PHF21A: variants seen among roughly 807,000 people sequenced by gnomAD.
PHF21A encodes the protein PHD finger protein 21A, also known as BHC80a.
In PHF21A, 11 loss-of-function variants were observed where a neutral mutation model predicts 82.5. The ratio of observed to expected loss-of-function variants is 0.13; its 90% confidence interval spans 0.08 to 0.22. The LOEUF (loss-of-function observed/expected upper bound fraction) is 0.22. PHF21A is among the 10% of genes least tolerant of loss of function. PHF21A has a pLI of 1.00. For missense variants in PHF21A, 579 were observed against 837.8 expected (o/e 0.69, Z 3.81); for synonymous variants, 297 against 302.8 (o/e 0.98, Z 0.20).
chr11:45,980,789 C>A (rs777239065), intron 6 of PHF21A, among the ~76,000 whole-genome samples: 1 of 152,140 alleles, frequency 6.6e-6, no homozygotes, highest in Non-Finnish European at 1.5e-5. Context: ...AACAAAGAAA[C>A]CTTGATCCCA....
At chr11:46,068,620 C>A (rs1244599886) in intron 6 of PHF21A, among the ~76,000 whole-genome samples, 1 of 151,950 alleles carries the variant, frequency 6.6e-6, no homozygotes, top group Non-Finnish European at 1.5e-5. Context: ...ATTTGATATT[C>A]ATAGCTTGAA....
intron 6 of PHF21A, among the ~76,000 whole-genome samples, chr11:45,980,762 C>T (rs1030008986): frequency 2.6e-5 from 4 of 152,146 alleles, no homozygotes; most frequent in Admixed American, 6.5e-5. Flanking sequence ...CAGTTGAAAA[C>T]ATTAAACAGA....
At chr11:46,023,725 G>A (rs1033977605) in intron 6 of PHF21A, among the ~76,000 whole-genome samples, 1 of 152,212 alleles carries the variant, frequency 6.6e-6, no homozygotes, top group Non-Finnish European at 1.5e-5. Context: ...GGAGACAGAG[G>A]TGGGCGGATC....
rs1195496857 is a variant in PHF21A at position 45,931,478 on chromosome 11, A to T, written c.*2490T>A. 6.6e-6 allele frequency: 1 copy of T among 152,266 alleles called. No homozygotes were observed. The highest frequency in any genetic ancestry group is 1.5e-5 in the Non-Finnish European group (1 of 68,066). The allele number at this position is 152,266 out of a possible 1,614,324, so 9.4% of individuals were successfully genotyped here. ...CTCTTTCCCCCTCAGCCAATCAAGCAGCCAGGGCCTAACTCTGAGGCCTGT... is the reference window on the plus strand; with the variant it reads ...CTCTTTCCCCCTCAGCCAATCAAGCTGCCAGGGCCTAACTCTGAGGCCTGT... On this transcript the variant is annotated 3_prime_UTR_variant, in exon 19 of 19. Transcript: ENST00000676320.
intron 6 of PHF21A, among the ~76,000 whole-genome samples, chr11:46,051,881 C>A (rs1592533310): frequency 6.6e-6 from 1 of 152,116 alleles, no homozygotes; most frequent in African/African-American, 2.4e-5. Context: ...AAACCAGGAG[C>A]CTCTTGCAAT....
At chr11:46,074,825 G>T (rs1025860685) in intron 6 of PHF21A, among the ~76,000 whole-genome samples, 1 of 152,162 alleles carries the variant, frequency 6.6e-6, no homozygotes, top group Admixed American at 6.5e-5. Flanking sequence ...CTAAACTAAA[G>T]AGTAATATCA....
chr11:46,098,420 A>G (rs944227027), intron 1 of PHF21A, among the ~76,000 whole-genome samples: 6 of 152,238 alleles, frequency 3.9e-5, no homozygotes, highest in Admixed American at 1.3e-4. Context: ...AATAAAAAAC[A>G]AAACAATTTT....
chr11:46,084,288 C>T lies in PHF21A; in HGVS notation c.-69G>A, dbSNP rs1180662454. On this transcript the variant is annotated 5_prime_UTR_variant, in exon 4 of 19. Transcript: ENST00000676320. ...AGCCTCTGTTTAAAGTAACAAACTC[C>T]TCTTCTCACTGCAGCTGTAAAGATC... 6.5e-6 allele frequency: 7 copies of T among 1,069,528 alleles called. No individual in the cohort carries two copies. Among genetic ancestry groups the T allele is most frequent in the African/African-American group, 1.6e-5 (1 of 61,358 alleles). The allele number at this position is 1,069,528 out of a possible 1,614,324, so 66.3% of individuals were successfully genotyped here. A position where few individuals can be genotyped will look rare whatever the true frequency, so the allele number is the denominator to read the frequency against.
intron 18 of PHF21A, chr11:45,934,559 A>G (rs2088356858): frequency 3.7e-6 from 1 of 266,824 alleles, no homozygotes; most frequent in East Asian, 8.6e-5. Context: ...AAAAAAAAAA[A>G]AAAAGTTCCC....
chr11:46,079,069 A>G, intron 5 of PHF21A, 65 bp downstream of exon 5: 2 of 991,132 alleles, frequency 2.0e-6, no homozygotes, highest in African/African-American at 1.6e-5. Flanking sequence ...TAAGTATTTT[A>G]TGGTGATTTT....
chr11:46,110,779 A>AT (rs1243147379), intron 1 of PHF21A, among the ~76,000 whole-genome samples: 1 of 144,864 alleles, frequency 6.9e-6, no homozygotes, highest in Non-Finnish European at 1.5e-5. Flanking sequence ...TCTAATCTAC[A>AT]TATTAACAAT....
chr11:45,976,937 C>T (rs2094054310), intron 7 of PHF21A, among the ~76,000 whole-genome samples: 1 of 152,108 alleles, frequency 6.6e-6, no homozygotes, highest in African/African-American at 2.4e-5. Context: ...TAAACATTTG[C>T]ATCATTTGCA....
intron 10 of PHF21A, among the ~76,000 whole-genome samples, chr11:45,959,741 T>A (rs924795449): frequency 2.0e-5 from 3 of 152,108 alleles, no homozygotes; most frequent in Non-Finnish European, 2.9e-5. Flanking sequence ...AAGGACTGTA[T>A]CAAGAAAGCA....
intron 1 of PHF21A, among the ~76,000 whole-genome samples, chr11:46,095,055 C>G (rs752378703): frequency 5.9e-5 from 9 of 152,138 alleles, no homozygotes; most frequent in Non-Finnish European, 1.3e-4. Context: ...TAATTGGTTT[C>G]ACAATGAGGT....
intron 6 of PHF21A, among the ~76,000 whole-genome samples, chr11:45,983,404 C>T (rs2094379074): frequency 6.6e-6 from 1 of 152,096 alleles, no homozygotes; most frequent in Admixed American, 6.5e-5. Flanking sequence ...TGTCAAACTG[C>T]CACTCAGAAA....
chr11:45,989,708 A>T (rs937553837), intron 6 of PHF21A, among the ~76,000 whole-genome samples: 1 of 150,278 alleles, frequency 6.7e-6, no homozygotes, highest in African/African-American at 2.4e-5. Context: ...ATAAAAAAAT[A>T]AAAAATTTAG....
At chr11:46,013,042 T>C (rs1292295460) in intron 6 of PHF21A, among the ~76,000 whole-genome samples, 1 of 152,162 alleles carries the variant, frequency 6.6e-6, no homozygotes, top group African/African-American at 2.4e-5. Context: ...ACCCTATATA[T>C]ACTATGTTTT....
intron 6 of PHF21A, among the ~76,000 whole-genome samples, chr11:46,036,091 G>C (rs1325918082): frequency 1.3e-5 from 2 of 152,178 alleles, no homozygotes; most frequent in Non-Finnish European, 2.9e-5. Context: ...AAAGAAGATA[G>C]ATTTAAAAAG....
chr11:46,002,119 C>G (rs533604360), intron 6 of PHF21A, among the ~76,000 whole-genome samples: 30 of 152,176 alleles, frequency 2.0e-4, no homozygotes, highest in African/African-American at 5.3e-4. Context: ...TAAGTAAATG[C>G]TTTCATTAAA....
Sources: allele counts gnomAD v4.1 joint callset (sites outside exome capture counted in the v4.1 genomes callset), GRCh38; gene constraint gnomAD v4.1.1; transcripts MANE v1.5; gene names NCBI Gene and HGNC (gene_info 2026-07-23, HGNC 2026-07-21).